Variants in RIMS2 observed in about 807,000 individuals in gnomAD.
The protein encoded by RIMS2 is regulating synaptic membrane exocytosis 2.
A neutral mutation model predicts 174.4 loss-of-function variants in RIMS2; 59 were observed. The ratio of observed to expected loss-of-function variants is 0.34; its 90% CI spans 0.27 to 0.42. The LOEUF is 0.42. Ranked by LOEUF, RIMS2 falls within the 10% of genes least tolerant of loss-of-function variation. The pLI is 1.00. For synonymous variants in RIMS2, 606 were observed against 572.5 expected (o/e 1.06, Z -0.84); for missense variants, 1,620 against 1,666.3 (o/e 0.97, Z 0.48).
At chr8:103,670,848 A>G (rs528927190) in intron 1 of RIMS2, among the ~76,000 whole-genome samples, 2 of 152,338 alleles carry the variant, frequency 1.3e-5, no homozygotes, top group Admixed American at 6.5e-5. Flanking sequence ...TGAGCCGTCC[A>G]GACTGTCCAA....
chr8:103,599,858 T>C (rs1045572249), intron 1 of RIMS2, among the ~76,000 whole-genome samples: 1 of 152,146 alleles, frequency 6.6e-6, no homozygotes, highest in Non-Finnish European at 1.5e-5. Flanking sequence ...AAAATAGGTA[T>C]CTGTTCCTTC....
chr8:103,866,675 A>G (rs1183939948), intron 3 of RIMS2, among the ~76,000 whole-genome samples: 1 of 152,106 alleles, frequency 6.6e-6, no homozygotes, highest in Non-Finnish European at 1.5e-5. Flanking sequence ...TTGTCTTTGT[A>G]TAATCTGACA....
chr8:103,599,125 GAAC>G (rs2094589583), intron 1 of RIMS2, among the ~76,000 whole-genome samples: 1 of 151,698 alleles, frequency 6.6e-6, no homozygotes, highest in African/African-American at 2.4e-5. Context: ...TTCTTCTTAA[GAAC>G]AACAATAACA....
intron 2 of RIMS2, among the ~76,000 whole-genome samples, chr8:103,738,024 T>C (rs1485544659): frequency 6.6e-6 from 1 of 152,192 alleles, no homozygotes. Flanking sequence ...TAGGAACATG[T>C]CTGTCTTCTT....
intron 19 of RIMS2, among the ~76,000 whole-genome samples, chr8:104,024,539 T>TTCG (rs2096202861): frequency 6.7e-6 from 1 of 148,450 alleles, no homozygotes; most frequent in Non-Finnish European, 1.5e-5. Context: ...TTCAACCGGT[T>TTCG]TCGTTGTTGT....
chr8:103,631,324 G>T (rs1034941550), intron 1 of RIMS2, among the ~76,000 whole-genome samples: 9 of 152,208 alleles, frequency 5.9e-5, no homozygotes, highest in African/African-American at 2.2e-4. Context: ...GTAAGGAAGG[G>T]GTCCTGCTTC....
intron 1 of RIMS2, among the ~76,000 whole-genome samples, chr8:103,600,313 A>G (rs919661932): frequency 3.3e-5 from 5 of 150,740 alleles, no homozygotes; most frequent in African/African-American, 1.2e-4. Context: ...TCTGTCACCC[A>G]GGCTGGAGTG....
intron 2 of RIMS2, among the ~76,000 whole-genome samples, chr8:103,700,532 C>T (rs2097155586): frequency 1.3e-5 from 2 of 151,844 alleles, no homozygotes; most frequent in African/African-American, 4.8e-5. Context: ...GTTTGAAGTA[C>T]TTTTCTTATA....
intron 19 of RIMS2, among the ~76,000 whole-genome samples, chr8:104,047,565 G>T (rs1298321413): frequency 6.6e-6 from 1 of 152,038 alleles, no homozygotes; most frequent in Admixed American, 6.6e-5. Context: ...GATTAAGTTA[G>T]CCAAAATGTA....
At chr8:103,728,392 AT>A (rs1445622342) in intron 2 of RIMS2, among the ~76,000 whole-genome samples, 5 of 152,002 alleles carry the variant, frequency 3.3e-5, no homozygotes, top group Admixed American at 1.3e-4. Context: ...AATTTGACTT[AT>A]TTATTTCTCA....
intron 19 of RIMS2, among the ~76,000 whole-genome samples, chr8:104,207,447 C>T (rs1291417720): frequency 1.3e-5 from 2 of 152,184 alleles, no homozygotes; most frequent in Non-Finnish European, 2.9e-5. Context: ...ATCCCTGCTT[C>T]TTTTCAACCA....
In RIMS2 at chr8:103,936,459, T is replaced by C. The variant is rs2081272533; in HGVS notation, c.2376-92T>C. The C allele has an allele frequency of 1.1e-5, 8 of 722,312 alleles. No homozygotes were observed. The East Asian group carries it at 2.3e-4, about 21-fold the overall frequency. The allele number at this position is 722,312 out of a possible 1,614,324, so 44.7% of individuals were successfully genotyped here. A position where few individuals can be genotyped will look rare whatever the true frequency, so the allele number is the denominator to read the frequency against. On this transcript the variant is annotated intron_variant, in intron 12 of 23. Transcript: ENST00000504942. Reference sequence around the variant, plus strand: ...GATAATTTTATGGTAAAACTTCACCTGACTTGTCTCCTGAGAAATTTTAAA... The same window carrying C: ...GATAATTTTATGGTAAAACTTCACCCGACTTGTCTCCTGAGAAATTTTAAA...
Position 103,569,053 on chromosome 8 carries a change from C to CT in RIMS2, c.176+68000dup, listed in dbSNP as rs926412496. On this transcript the variant is annotated intron_variant, in intron 1 of 23. Coordinates refer to ENST00000504942, the Ensembl canonical transcript of RIMS2. ...AAGTTAATTTTGATGTCCAATTTAT[C>CT]TTTTTTTTTGTTTTTGTTGCTTTGT... is the stretch of plus-strand genomic sequence containing the variant. The CT allele has an allele frequency of 6.3e-3, 2,413 of 382,880 alleles. 36 individuals are homozygous for CT. Among genetic ancestry groups the CT allele is most frequent in the African/African-American group, 0.04 (1,864 of 46,420 alleles). The allele number at this position is 382,880 out of a possible 1,614,324, so 23.7% of individuals were successfully genotyped here.
At chr8:104,228,955 A>G (rs527664334) in intron 19 of RIMS2, among the ~76,000 whole-genome samples, 1 of 152,336 alleles carries the variant, frequency 6.6e-6, no homozygotes, top group African/African-American at 2.4e-5. Context: ...AATGCCTATC[A>G]AATATTACCT....
chr8:104,111,530 C>G (rs553224192), intron 19 of RIMS2, among the ~76,000 whole-genome samples: 1 of 152,310 alleles, frequency 6.6e-6, no homozygotes, highest in South Asian at 2.1e-4. Flanking sequence ...GCCTCAGCCT[C>G]TCCAGTAGCT....
intron 1 of RIMS2, among the ~76,000 whole-genome samples, chr8:103,557,767 G>A (rs2090768262): frequency 6.6e-6 from 1 of 152,008 alleles, no homozygotes; most frequent in Non-Finnish European, 1.5e-5. Flanking sequence ...TAACTAAATT[G>A]TAACCTTTTC....
chr8:103,592,276 G>A (rs989678621), intron 1 of RIMS2, among the ~76,000 whole-genome samples: 12 of 151,068 alleles, frequency 7.9e-5, no homozygotes, highest in Non-Finnish European at 1.6e-4. Flanking sequence ...TCCTATGACA[G>A]GGAATAACAT....
At chr8:103,613,164 A>G (rs557518078) in intron 1 of RIMS2, among the ~76,000 whole-genome samples, 1 of 152,164 alleles carries the variant, frequency 6.6e-6, no homozygotes, top group African/African-American at 2.4e-5. Context: ...GAGTCCAGAG[A>G]TGCTTTCTTG....
chr8:104,092,861 A>G (rs534026228), intron 19 of RIMS2, among the ~76,000 whole-genome samples: 1 of 152,088 alleles, frequency 6.6e-6, no homozygotes, highest in East Asian at 1.9e-4. Context: ...AGAATATTTG[A>G]ACACCCAAGA....
Sources: allele counts gnomAD v4.1 joint callset (sites outside exome capture counted in the v4.1 genomes callset), GRCh38; gene constraint gnomAD v4.1.1; transcripts MANE v1.5; gene names NCBI Gene and HGNC (gene_info 2026-07-23, HGNC 2026-07-21).